RD3: variants seen among roughly 807,000 people sequenced by gnomAD.
RD3 encodes the protein protein RD3.
RD3 carries 11 observed loss-of-function variants against 16.9 expected under a neutral mutation model. That is an observed-to-expected ratio of 0.65 (90% CI 0.41 to 1.08). The LOEUF is 1.08. RD3 is among the 50% of genes least tolerant of loss of function. RD3 has a pLI of 0.00. For missense variants in RD3, 274 were observed against 267.4 expected, an observed-to-expected ratio of 1.02 and a Z score of -0.17; for synonymous variants, 116 against 114.8, an observed-to-expected ratio of 1.01 and a Z score of -0.07.
intron 2 of RD3, among the ~76,000 whole-genome samples, chr1:211,479,697 C>T (rs1365285538): frequency 6.6e-6 from 1 of 152,238 alleles, no homozygotes; most frequent in Non-Finnish European, 1.5e-5. Context: ...TAAGCCTCTC[C>T]TGTCTCTTCT....
chr1:211,481,921 A>G (rs759924906), intron 1 of RD3, among the ~76,000 whole-genome samples: 3 of 152,180 alleles, frequency 2.0e-5, no homozygotes. Flanking sequence ...GACGAAAGAC[A>G]CTTAGAACTC....
rs532830638 is a variant in RD3 at position 211,483,336 on chromosome 1, C to T, written c.-11-1910G>A. 3.7e-4 allele frequency among the ~76,000 whole-genome samples: 57 copies of T among 152,124 alleles called. 2 individuals are homozygous for T. The highest frequency in any genetic ancestry group is 1.3e-3 in the African/African-American group (53 of 41,452). On this transcript the variant is annotated intron_variant, in intron 1 of 2. Coordinates refer to ENST00000680073, the MANE Select transcript of RD3 (RefSeq NM_001164688.2). Reference sequence around the variant, plus strand: ...AATTAGCTGGGCATGGTGGCACATGCCTGTAGTCCCAGCTACTCAGGAGGC... The same window carrying T: ...AATTAGCTGGGCATGGTGGCACATGTCTGTAGTCCCAGCTACTCAGGAGGC...
intron 1 of RD3, among the ~76,000 whole-genome samples, chr1:211,491,111 G>A (rs966722621): frequency 1.3e-4 from 20 of 152,132 alleles, no homozygotes; most frequent in Admixed American, 8.5e-4. Flanking sequence ...CAGTGGGAGG[G>A]GACTGACCCT....
chr1:211,483,316 G>T (rs997207664), intron 1 of RD3, among the ~76,000 whole-genome samples: 5 of 152,004 alleles, frequency 3.3e-5, no homozygotes, highest in African/African-American at 9.7e-5. Context: ...ACAAAAATTA[G>T]CTGGGCATGG....
chr1:211,487,958 C>T (rs1705409859), intron 1 of RD3, among the ~76,000 whole-genome samples: 1 of 152,234 alleles, frequency 6.6e-6, no homozygotes, highest in Non-Finnish European at 1.5e-5. Context: ...CACAGCTCTC[C>T]TGAGTGGAAA....
intron 1 of RD3, 128 bp downstream of exon 1, chr1:211,491,640 C>T (rs1376046193): frequency 2.0e-5 from 3 of 152,364 alleles, no homozygotes; most frequent in African/African-American, 7.2e-5. Context: ...TTTCTAGGCT[C>T]CCCAGCCTGC....
Position 211,480,498 on chromosome 1 carries a change from C to T in RD3, c.296+622G>A, listed in dbSNP as rs374531499. 1.6e-4 allele frequency among the ~76,000 whole-genome samples: 24 copies of T among 152,236 alleles called. No homozygotes were observed. In the East Asian group the frequency reaches 2.5e-3, roughly 16 times the overall value. On this transcript the variant is annotated intron_variant, in intron 2 of 2. Transcript: ENST00000680073. ...GAACTTGAGTTATTTTGAAATTACT[C>T]GATGCTTCCTTGACATCAGCACCAA... is the stretch of plus-strand genomic sequence containing the variant.
At chr1:211,489,125 T>A (rs914234110) in intron 1 of RD3, among the ~76,000 whole-genome samples, 9 of 152,222 alleles carry the variant, frequency 5.9e-5, no homozygotes, top group African/African-American at 2.2e-4. Context: ...CTATTTCAAG[T>A]TACTGTGAAA....
intron 1 of RD3, among the ~76,000 whole-genome samples, chr1:211,482,785 C>T (rs1705301986): frequency 6.6e-6 from 1 of 151,882 alleles, no homozygotes; most frequent in Non-Finnish European, 1.5e-5. Context: ...CGAGCTAAAG[C>T]CTGAAGTGGG....
intron 1 of RD3, among the ~76,000 whole-genome samples, chr1:211,488,396 G>A (rs1180778379): frequency 6.6e-6 from 1 of 152,130 alleles, no homozygotes; most frequent in East Asian, 1.9e-4. Flanking sequence ...TTAGCCAGGT[G>A]TGGTTGCAGA....
intron 1 of RD3, among the ~76,000 whole-genome samples, chr1:211,482,852 C>A (rs990637973): frequency 1.8e-4 from 27 of 151,828 alleles, no homozygotes; most frequent in African/African-American, 6.1e-4. Flanking sequence ...GCCGTTCCCC[C>A]TTCCATGCAC....
intron 1 of RD3, among the ~76,000 whole-genome samples, chr1:211,490,897 G>A (rs530928472): frequency 4.6e-5 from 7 of 152,260 alleles, no homozygotes; most frequent in African/African-American, 1.7e-4. Context: ...TAGCAAACAC[G>A]TTTCTCACGC....
At position 211,487,461 on chromosome 1, in the gene RD3, G is replaced by A. The variant is rs571988072; in HGVS notation, c.-12+4307C>T. Reference sequence around the variant, plus strand: ...TTGATTTTTAAGTGAACCTTCATAGGGCCAAGCCCTTGGCCCCTACAAGAG... The same window carrying A: ...TTGATTTTTAAGTGAACCTTCATAGAGCCAAGCCCTTGGCCCCTACAAGAG... On this transcript the variant is annotated intron_variant, in intron 1 of 2. Coordinates refer to ENST00000680073, the MANE Select transcript of RD3 (RefSeq NM_001164688.2). Among the ~76,000 whole-genome samples, 4 of 152,190 alleles carry A rather than the reference G, an allele frequency of 2.6e-5. No homozygotes were observed. In the East Asian group the frequency reaches 7.7e-4, roughly 29 times the overall value.
At position 211,478,298 on chromosome 1, in the gene RD3, A is replaced by G. The variant is rs886045897; in HGVS notation, c.*738T>C. 3.4e-4 allele frequency: 136 copies of G among 397,452 alleles called. No individual in the cohort carries two copies. The highest frequency in any genetic ancestry group is 5.4e-4 in the Non-Finnish European group (123 of 225,812). 24.6% of individuals were successfully genotyped at this position (397,452 alleles called of 1,614,324 possible). ...AGATTCTCATCCCACTGCCAAGGTA[A>G]GAGATGGATCAGGCCACAGGTAGGT... On this transcript the variant is annotated 3_prime_UTR_variant, in exon 3 of 3. Coordinates refer to ENST00000680073, the MANE Select transcript of RD3 (RefSeq NM_001164688.2).
rs1264515848 is a variant in RD3 at position 211,479,866 on chromosome 1, C to G, written c.297-539G>C. Among the ~76,000 whole-genome samples the G allele has an allele frequency of 1.3e-5, 2 of 152,300 alleles. 1 individual carries two copies. Among genetic ancestry groups the G allele is most frequent in the Admixed American group, 1.3e-4 (2 of 15,304 alleles). ...AGCTGGGAAGAATCACTTGTGGCCC[C>G]GACATGTCCCAGCTTCTCCCAAGGC... On this transcript the variant is annotated intron_variant, in intron 2 of 2. Transcript: ENST00000680073.
Position 211,478,196 on chromosome 1 carries a change from C to T in RD3, c.*840G>A. On this transcript the variant is annotated 3_prime_UTR_variant, in exon 3 of 3. Transcript: ENST00000680073. ...AGAAGCTGTTAGGGACTGGCCACAG[C>T]CCATGCGATGACATTGTGGCGTGGG... 1 of 398,636 alleles carries T rather than the reference C, an allele frequency of 2.5e-6. No individual in the cohort carries two copies. Among genetic ancestry groups the T allele is most frequent in the Non-Finnish European group, 4.4e-6 (1 of 226,084 alleles). The allele number at this position is 398,636 out of a possible 1,614,324, so 24.7% of individuals were successfully genotyped here. A position where few individuals can be genotyped will look rare whatever the true frequency, so the allele number is the denominator to read the frequency against.
intron 1 of RD3, among the ~76,000 whole-genome samples, chr1:211,486,641 G>T (rs558088937): frequency 6.6e-6 from 1 of 152,208 alleles, no homozygotes. Context: ...CTGAGGTCAG[G>T]AGTTCGAGAC....
intron 1 of RD3, among the ~76,000 whole-genome samples, chr1:211,485,792 G>A (rs1705361749): frequency 1.3e-5 from 2 of 152,138 alleles, no homozygotes; most frequent in Non-Finnish European, 2.9e-5. Flanking sequence ...CATGATGAAT[G>A]GTTCCCACTC....
At chr1:211,480,967 C>T (rs538879919) in intron 2 of RD3, among the ~76,000 whole-genome samples, 153 bp downstream of exon 2, 2 of 152,254 alleles carry the variant, frequency 1.3e-5, no homozygotes, top group Non-Finnish European at 2.9e-5. Context: ...TTCATGGTCT[C>T]TTTCAGACTC....
Sources: allele counts gnomAD v4.1 joint callset (sites outside exome capture counted in the v4.1 genomes callset), GRCh38; gene constraint gnomAD v4.1.1; transcripts MANE v1.5; gene names NCBI Gene and HGNC (gene_info 2026-07-23, HGNC 2026-07-21).